The following SYTL3 variants were observed in gnomAD, a reference collection of about 807,000 sequenced individuals.
SYTL3 encodes synaptotagmin-like protein 3.
A neutral mutation model predicts 82.1 loss-of-function variants in SYTL3; 88 were observed. That is an observed-to-expected ratio of 1.07 (90% CI 0.90 to 1.28). SYTL3 has a LOEUF of 1.28. SYTL3 is among the 50% of genes most tolerant of loss of function. The probability of loss-of-function intolerance (pLI) is 0.00; values close to 1 mark genes in which losing one functional copy is unlikely to be tolerated. For synonymous variants in SYTL3, 311 were observed against 289.4 expected, an observed-to-expected ratio of 1.07 and a Z score of -0.76; for missense variants, 831 against 757.6, an observed-to-expected ratio of 1.10 and a Z score of -1.14.
At chr6:158,715,866 G>A (rs113163675) in intron 9 of SYTL3, among the ~76,000 whole-genome samples, 11 of 152,172 alleles carry the variant, frequency 7.2e-5, no homozygotes, top group African/African-American at 1.9e-4. Flanking sequence ...TCCTCTTCTC[G>A]TGCTCCTATT....
intron 2 of SYTL3, among the ~76,000 whole-genome samples, chr6:158,655,703 A>G (rs942954080): frequency 6.6e-6 from 1 of 152,190 alleles, no homozygotes; most frequent in African/African-American, 2.4e-5. Context: ...AGGTCTCCAC[A>G]TGCATCAGCA....
intron 4 of SYTL3, chr6:158,663,643 C>T (rs191303153): frequency 4.1e-6 from 4 of 977,758 alleles, no homozygotes; most frequent in East Asian, 1.1e-4. Flanking sequence ...TGCTGTCTGC[C>T]ATCTGCTTGT....
chr6:158,693,626 C>G (rs1490530042), intron 6 of SYTL3, among the ~76,000 whole-genome samples: 1 of 152,154 alleles, frequency 6.6e-6, no homozygotes, highest in Non-Finnish European at 1.5e-5. Flanking sequence ...CTCAAATGAT[C>G]CACCTGCCTC....
rs147376895 is a variant in SYTL3 at position 158,654,673 on chromosome 6, A to C, written c.-637+2831A>C. On this transcript the variant is annotated intron_variant, in intron 2 of 17. Coordinates refer to ENST00000611299, the MANE Select transcript of SYTL3 (RefSeq NM_001242394.2). ...AGTTCCCCAAACAGCCCTGTGAAGC[A>C]GGGATGGCTCCATGTCACGGAGGAG... is the stretch of plus-strand genomic sequence containing the variant. 2.0e-3 allele frequency among the ~76,000 whole-genome samples: 298 copies of C among 152,318 alleles called. 1 individual carries two copies. The highest frequency in any genetic ancestry group is 6.8e-3 in the Middle Eastern group (2 of 294).
At chr6:158,699,228 G>A (rs1583279229) in intron 6 of SYTL3, among the ~76,000 whole-genome samples, 2 of 152,320 alleles carry the variant, frequency 1.3e-5, no homozygotes, top group South Asian at 2.1e-4. Flanking sequence ...ATTCCAGGGA[G>A]TCTGCCCTGT....
At chr6:158,677,441 C>T (rs575387047) in intron 5 of SYTL3, among the ~76,000 whole-genome samples, 3 of 151,900 alleles carry the variant, frequency 2.0e-5, no homozygotes, top group South Asian at 4.1e-4. Context: ...AGGAGATATA[C>T]CTAATGCTAA....
chr6:158,708,168 G>A (rs1193353307), intron 7 of SYTL3, among the ~76,000 whole-genome samples, 154 bp from the exon 8 acceptor site: 1 of 152,116 alleles, frequency 6.6e-6, no homozygotes, highest in South Asian at 2.1e-4. Flanking sequence ...GCAGGTCCAA[G>A]CAGGGCTGCT....
At position 158,668,307 on chromosome 6, in the gene SYTL3, G is replaced by C. The variant is rs2128375902; in HGVS notation, c.329+2694G>C. On this transcript the variant is annotated intron_variant, in intron 5 of 17. Coordinates refer to ENST00000611299, the MANE Select transcript of SYTL3 (RefSeq NM_001242394.2). ...TGCAGTGGTGTGATCTCGGCTCACT[G>C]CAACCTCTGCCTCCAGGTTCAAGCG... Among the ~76,000 whole-genome samples, 2 of 152,142 alleles carry C rather than the reference G, an allele frequency of 1.3e-5. 1 individual carries two copies. Among genetic ancestry groups the C allele is most frequent in the Admixed American group, 1.3e-4 (2 of 15,288 alleles).
chr6:158,704,352 C>T lies in SYTL3; in HGVS notation c.395-2878C>T, dbSNP rs566738837. Among the ~76,000 whole-genome samples the T allele has an allele frequency of 3.0e-4, 45 of 152,358 alleles. No individual in the cohort carries two copies. The South Asian group carries it at 9.1e-3, about 31-fold the overall frequency. The stretch of plus-strand genomic sequence containing the variant: ...AGCCTTGACCCAGGCCCCGCCTGTG[C>T]CCCGCGTCGCTGCAGCCGGCAGGGG... On this transcript the variant is annotated intron_variant, in intron 6 of 17. Transcript: ENST00000611299.
chr6:158,754,582 C>T (rs1284460640), intron 13 of SYTL3, among the ~76,000 whole-genome samples: 1 of 152,132 alleles, frequency 6.6e-6, no homozygotes, highest in Non-Finnish European at 1.5e-5. Flanking sequence ...TAGCTGGGCA[C>T]AGTGGCGGGC....
At position 158,680,587 on chromosome 6, in the gene SYTL3, A is replaced by AAAAC. The variant is rs544297304; in HGVS notation, c.330-2335_330-2334insCAAA. ...AACCCCGTCTCTACAAAAAAAAAAA[A>AAAAC]AAAAAAACACAAAAATCAGCCAGGT... On this transcript the variant is annotated intron_variant, in intron 5 of 17. Coordinates refer to ENST00000611299, the MANE Select transcript of SYTL3 (RefSeq NM_001242394.2). Among the ~76,000 whole-genome samples, 969 of 151,334 alleles carry AAAAC rather than the reference A, an allele frequency of 6.4e-3. 33 individuals carry two copies. The South Asian group carries it at 0.083, about 13-fold the overall frequency.
At chr6:158,679,468 G>T (rs935914089) in intron 5 of SYTL3, among the ~76,000 whole-genome samples, 1 of 152,110 alleles carries the variant, frequency 6.6e-6, no homozygotes, top group Admixed American at 6.6e-5. Flanking sequence ...TTGCAAGAAA[G>T]GGTAATGGAC....
chr6:158,697,699 T>G (rs139205983), intron 6 of SYTL3, among the ~76,000 whole-genome samples: 3 of 24,500 alleles, frequency 1.2e-4, no homozygotes, highest in South Asian at 1.3e-3. Context: ...CCTATATTCA[T>G]TTTTTTTAGA....
At chr6:158,753,334 C>T (rs113459452) in intron 13 of SYTL3, among the ~76,000 whole-genome samples, 7,520 of 152,020 alleles carry the variant, frequency 0.049, 217 homozygotes, top group Non-Finnish European at 0.061. Context: ...CTGCCCACCC[C>T]GGCCTCCCAA....
rs1316726857 is a variant in SYTL3 at position 158,713,879 on chromosome 6, G to T, written c.595+1G>T. 6.6e-7 allele frequency: 1 copy of T among 1,516,626 alleles called. No homozygotes were observed. The highest frequency in any genetic ancestry group is 8.9e-7 in the Non-Finnish European group (1 of 1,119,800). 93.9% of individuals were successfully genotyped at this position (1,516,626 alleles called of 1,614,324 possible). On this transcript the variant is annotated splice_donor_variant, in intron 9 of 17. Coordinates refer to ENST00000611299, the MANE Select transcript of SYTL3 (RefSeq NM_001242394.2). LOFTEE classifies it high-confidence loss of function. The stretch of plus-strand genomic sequence containing the variant: ...CTGTCTCTTGCTACCCACGTGAAAA[G>T]TAAGTGCATGCTTCATGATGTGTTT...
chr6:158,752,357 T>C (rs1386637225), intron 13 of SYTL3, among the ~76,000 whole-genome samples: 1 of 152,216 alleles, frequency 6.6e-6, no homozygotes, highest in Non-Finnish European at 1.5e-5. Context: ...TAGTTTGTCT[T>C]AGTGAATGTT....
chr6:158,681,844 G>A (rs1217071945), intron 5 of SYTL3, among the ~76,000 whole-genome samples: 2 of 152,204 alleles, frequency 1.3e-5, no homozygotes, highest in African/African-American at 4.8e-5. Flanking sequence ...TTAACCTACA[G>A]CTGATCTCCC....
intron 13 of SYTL3, among the ~76,000 whole-genome samples, chr6:158,753,557 C>G (rs976182592): frequency 1.3e-4 from 19 of 151,422 alleles, no homozygotes; most frequent in Non-Finnish European, 2.7e-4. Flanking sequence ...GGTGAAACCC[C>G]GTCTCTACTA....
At chr6:158,735,622 C>T (rs6906796) in intron 11 of SYTL3, among the ~76,000 whole-genome samples, 27,257 of 151,998 alleles carry the variant, frequency 0.18, 3,768 homozygotes, top group African/African-American at 0.39. Flanking sequence ...AAACAAGGAT[C>T]GGAGTAAAAA....
Sources: allele counts gnomAD v4.1 joint callset (sites outside exome capture counted in the v4.1 genomes callset), GRCh38; gene constraint gnomAD v4.1.1; transcripts MANE v1.5; gene names NCBI Gene and HGNC (gene_info 2026-07-23, HGNC 2026-07-21).